The following DYSF variants were observed in gnomAD, a reference collection of about 807,000 sequenced individuals.
DYSF encodes dysferlin.
A neutral mutation model predicts 274.9 loss-of-function variants in DYSF; 212 were observed. The observed-to-expected ratio is 0.77, with a 90% confidence interval of 0.69 to 0.86. The LOEUF (loss-of-function observed/expected upper bound fraction) is 0.86. Among genes scored for constraint, DYSF ranks in the 40% least tolerant of loss-of-function variants. DYSF has a pLI of 0.00. For synonymous variants in DYSF, 1,091 were observed against 1,078.7 expected (o/e 1.01, Z -0.22); for missense variants, 2,666 against 2,783.2 (o/e 0.96, Z 0.95).
chr2:71,657,040 G>A (rs1354858213), intron 43 of DYSF, among the ~76,000 whole-genome samples: 1 of 152,176 alleles, frequency 6.6e-6, no homozygotes, highest in Admixed American at 6.5e-5. Flanking sequence ...AGTCTCATCT[G>A]AGACAAGGCA....
At chr2:71,638,047 C>A (rs2559084) in intron 41 of DYSF, among the ~76,000 whole-genome samples, 112 of 151,682 alleles carry the variant, frequency 7.4e-4, no homozygotes, top group Non-Finnish European at 1.3e-3. Context: ...GAATTGCAGC[C>A]AAGAGGGGAA....
chr2:71,644,631 T>TG (rs1419612693), intron 42 of DYSF, among the ~76,000 whole-genome samples: 2 of 152,082 alleles, frequency 1.3e-5, no homozygotes, highest in African/African-American at 4.8e-5. Flanking sequence ...CCTGTTTCTG[T>TG]GGAAAAAAAC....
intron 12 of DYSF, among the ~76,000 whole-genome samples, chr2:71,522,490 G>C (rs138389991): frequency 6.6e-6 from 1 of 152,152 alleles, no homozygotes; most frequent in Non-Finnish European, 1.5e-5. Flanking sequence ...GACTCTCCTT[G>C]CTCCTTTTCC....
chr2:71,613,193 T>C, intron 39 of DYSF, 141 bp from the exon 40 acceptor site: 2 of 747,422 alleles, frequency 2.7e-6, no homozygotes, highest in Non-Finnish European at 4.7e-6. Context: ...TATTGGGAAG[T>C]AGGAAGAGAG....
chr2:71,658,515 A>T (rs1046722851), intron 43 of DYSF, among the ~76,000 whole-genome samples: 1 of 152,240 alleles, frequency 6.6e-6, no homozygotes, highest in Non-Finnish European at 1.5e-5. Context: ...TGATGAAGAC[A>T]TACCCAAGAC....
At chr2:71,606,923 C>A (rs72902662) in intron 36 of DYSF, among the ~76,000 whole-genome samples, 1,850 of 152,266 alleles carry the variant, frequency 0.012, 40 homozygotes, top group African/African-American at 0.043. Context: ...CCTTTATCCT[C>A]CCATCCACCC....
chr2:71,662,721 G>T (rs979169005), intron 45 of DYSF, among the ~76,000 whole-genome samples: 16 of 147,982 alleles, frequency 1.1e-4, no homozygotes, highest in African/African-American at 4.0e-4. Flanking sequence ...ATGTATGTGT[G>T]TGTATGTGTA....
At chr2:71,649,153 A>AT (rs2094613663) in intron 42 of DYSF, among the ~76,000 whole-genome samples, 1 of 151,192 alleles carries the variant, frequency 6.6e-6, no homozygotes, top group Admixed American at 6.6e-5. Flanking sequence ...AAAAAAAAAA[A>AT]AAAAAGTGAA....
intron 41 of DYSF, among the ~76,000 whole-genome samples, chr2:71,633,892 C>T (rs1242529311): frequency 6.6e-6 from 1 of 152,154 alleles, no homozygotes; most frequent in Non-Finnish European, 1.5e-5. Context: ...TTATTATTGC[C>T]AGTTTTTCCA....
chr2:71,461,233 G>T (rs188053358), intron 1 of DYSF, among the ~76,000 whole-genome samples: 4 of 152,328 alleles, frequency 2.6e-5, no homozygotes, highest in Admixed American at 1.3e-4. Context: ...CCTGACCATT[G>T]TGATGCGTGC....
intron 3 of DYSF, among the ~76,000 whole-genome samples, chr2:71,501,612 T>C (rs1040454624): frequency 2.6e-5 from 4 of 152,204 alleles, no homozygotes; most frequent in African/African-American, 9.6e-5. Context: ...TCAGCCACCA[T>C]TCTACTTTCT....
chr2:71,619,325 G>C (rs999470799), intron 40 of DYSF, among the ~76,000 whole-genome samples: 2 of 152,064 alleles, frequency 1.3e-5, no homozygotes, highest in South Asian at 2.1e-4. Flanking sequence ...AGCAGCCCTG[G>C]CTAGGTGCCC....
At chr2:71,612,021 C>T (rs1488302841) in intron 38 of DYSF, among the ~76,000 whole-genome samples, 1 of 152,104 alleles carries the variant, frequency 6.6e-6, no homozygotes, top group African/African-American at 2.4e-5. Context: ...AAGGAGCTCA[C>T]CCCCACAGCC....
At position 71,551,052 on chromosome 2, in the gene DYSF, C is replaced by A; in HGVS notation, c.1588C>A (p.Leu530Met). The stretch of plus-strand genomic sequence containing the variant: ...CTTGTGTCTCCCAGTGGATGACTAC[C>A]TGGGCTTCCTCCCCACTTTTGGGCC... ...PGGEIEVDDY[L>M]GFLPTFGPCY... The change falls in exon 18 of 56, where the codon CTG becomes ATG. Residue 530 changes from leucine (L) to methionine (M), a missense_variant. This residue lies in a region of DYSF where 794 missense variants were observed against 777.1 expected (regional missense o/e 1.02). Transcript: ENST00000410020. 6.2e-7 allele frequency: 1 copy of A among 1,614,118 alleles called. No individual in the cohort carries two copies. The highest frequency in any genetic ancestry group is 8.5e-7 in the Non-Finnish European group (1 of 1,179,978).
At chr2:71,564,565 G>A (rs1202085998) in intron 24 of DYSF, among the ~76,000 whole-genome samples, 1 of 152,142 alleles carries the variant, frequency 6.6e-6, no homozygotes. Flanking sequence ...CAGTTCCCAG[G>A]CACTAGCAGG....
chr2:71,566,233 C>T (rs117576946), intron 24 of DYSF, among the ~76,000 whole-genome samples: 788 of 75,362 alleles, frequency 0.01, 13 homozygotes, highest in African/African-American at 0.038. Flanking sequence ...GGGGGCGGGG[C>T]GGGGGGTGCT....
chr2:71,494,082 G>A (rs978435494), intron 3 of DYSF, among the ~76,000 whole-genome samples: 1 of 152,110 alleles, frequency 6.6e-6, no homozygotes, highest in South Asian at 2.1e-4. Flanking sequence ...CTGTGTTTTT[G>A]CAGTCTTTTG....
chr2:71,564,211 A>C lies in DYSF; in HGVS notation c.2563A>C (p.Lys855Gln). 6.2e-7 allele frequency: 1 copy of C among 1,614,250 alleles called. No individual in the cohort carries two copies. The highest frequency in any genetic ancestry group is 8.5e-7 in the Non-Finnish European group (1 of 1,180,046). The change falls in exon 24 of 56, where the codon AAA becomes CAA. Residue 855 changes from lysine (K) to glutamine (Q), a missense_variant and splice_region_variant. Physicochemically the swap from Lys to Gln is moderately conservative, Grantham distance 53. Around this residue, in one of 3 missense-constraint regions of DYSF, gnomAD observed 412 missense variants for 504.0 expected, o/e 0.82. Coordinates refer to ENST00000410020, the MANE Select transcript of DYSF (RefSeq NM_001130987.2). ...NCGKLQTIFL[K>Q]YPMEKVPGAR... is the part of the protein sequence containing the mutation. ...TGGGAAGCTACAGACAATCTTTCTG[A>C]AAGTGAGTTTTCTTTTTTCCCAAGT...
At position 71,491,269 on chromosome 2, in the gene DYSF, A is replaced by G. The variant is rs148177277; in HGVS notation, c.239+9299A>G. On this transcript the variant is annotated intron_variant, in intron 3 of 55. Coordinates refer to ENST00000410020, the MANE Select transcript of DYSF (RefSeq NM_001130987.2). The stretch of plus-strand genomic sequence containing the variant: ...TCCTTTTAATTCATAATAATTACAT[A>G]TATTTGGAATATTATTAGGAATACT... Among the ~76,000 whole-genome samples, 99 of 152,286 alleles carry G rather than the reference A, an allele frequency of 6.5e-4. 1 individual carries two copies. In the East Asian group the frequency reaches 0.017, roughly 26 times the overall value.
Sources: gnomAD v4.1 joint callset for allele counts (sites outside exome capture counted in the v4.1 genomes callset) on GRCh38, gnomAD v4.1.1 for gene constraint, gnomAD v4.1.1 regional missense constraint, MANE v1.5 for transcripts, NCBI Gene and HGNC (gene_info 2026-07-23, HGNC 2026-07-21) for gene names.